The following RBM47 variants were observed in gnomAD, a reference collection of about 807,000 sequenced individuals.
The protein encoded by RBM47 is RNA-binding protein 47.
A neutral mutation model predicts 47.1 loss-of-function variants in RBM47; 21 were observed. The ratio of observed to expected loss-of-function variants is 0.45; its 90% CI spans 0.32 to 0.64. RBM47 has a LOEUF of 0.64. RBM47 is among the 30% of genes least tolerant of loss of function. The probability of loss-of-function intolerance (pLI) is 0.05; values close to 1 mark genes in which losing one functional copy is unlikely to be tolerated. For missense variants in RBM47, 708 were observed against 870.9 expected (o/e 0.81, Z 2.35); for synonymous variants, 375 against 361.7 (o/e 1.04, Z -0.42).
In RBM47 at chr4:40,606,197, C is replaced by G. The variant is rs1230159421; in HGVS notation, c.-240+23199G>C. Among the ~76,000 whole-genome samples the G allele has an allele frequency of 6.6e-5, 7 of 106,562 alleles. No homozygotes were observed. The East Asian group carries it at 1.8e-3, about 28-fold the overall frequency. 69.9% of individuals were successfully genotyped at this position (106,562 alleles called of 152,430 possible). A position where few individuals can be genotyped will look rare whatever the true frequency, so the allele number is the denominator to read the frequency against. ...TGGGTGACACAGTGAGACGTCATCT[C>G]AAAAAAAAAACAAAAAAGAAAGAAA... On this transcript the variant is annotated intron_variant, in intron 1 of 6. Transcript: ENST00000295971.
chr4:40,585,431 C>A (rs1303359043), intron 1 of RBM47, among the ~76,000 whole-genome samples: 1 of 152,144 alleles, frequency 6.6e-6, no homozygotes, highest in Non-Finnish European at 1.5e-5. Flanking sequence ...AAGAAAGCAA[C>A]AAAATCGCCC....
At chr4:40,454,948 C>T (rs1443928309) in intron 3 of RBM47, among the ~76,000 whole-genome samples, 3 of 151,546 alleles carry the variant, frequency 2.0e-5, no homozygotes, top group African/African-American at 7.3e-5. Context: ...GCAGGTTTAG[C>T]AATAGCCAGT....
At chr4:40,437,678 G>T in intron 4 of RBM47, 93 bp downstream of exon 4, 1 of 1,334,052 alleles carries the variant, frequency 7.5e-7, no homozygotes. Flanking sequence ...GCACCTACCA[G>T]CTCAGCAAAT....
At chr4:40,469,003 A>G (rs1477148734) in intron 2 of RBM47, among the ~76,000 whole-genome samples, 1 of 152,248 alleles carries the variant, frequency 6.6e-6, no homozygotes, top group East Asian at 1.9e-4. Context: ...AAGTAAATCC[A>G]GACAAGTATA....
At chr4:40,462,117 G>A (rs761930556) in intron 3 of RBM47, among the ~76,000 whole-genome samples, 4 of 152,038 alleles carry the variant, frequency 2.6e-5, no homozygotes, top group Non-Finnish European at 4.4e-5. Context: ...AGAGAACAGC[G>A]CCCGTCCAGT....
At chr4:40,429,654 A>G (rs1194772004) in intron 6 of RBM47, among the ~76,000 whole-genome samples, 1 of 130,570 alleles carries the variant, frequency 7.7e-6, no homozygotes, top group Non-Finnish European at 1.5e-5. Flanking sequence ...CCGCCACTGC[A>G]CTCCAGCTTG....
intron 5 of RBM47, among the ~76,000 whole-genome samples, chr4:40,435,677 TG>T (rs1233275455): frequency 6.6e-6 from 1 of 152,092 alleles, no homozygotes; most frequent in East Asian, 1.9e-4. Flanking sequence ...ACTCTCAGAA[TG>T]GGGCAATAAG....
chr4:40,423,712 C>A lies in RBM47; in HGVS notation c.*2192G>T, dbSNP rs66940499. On this transcript the variant is annotated 3_prime_UTR_variant, in exon 7 of 7. Transcript: ENST00000295971. ...TCTTTCTTTCTTTCTTTCTTTCTTT[C>A]TTTTCTTTCTTTTCTTTCTTCCTCT... 1 of 51,460 alleles carries A rather than the reference C, an allele frequency of 1.9e-5. No individual in the cohort carries two copies. Among genetic ancestry groups the A allele is most frequent in the Non-Finnish European group, 3.5e-5 (1 of 28,918 alleles). The allele number at this position is 51,460 out of a possible 1,614,324, so 3.2% of individuals were successfully genotyped here.
Position 40,423,640 on chromosome 4 carries a change from TTC to T in RBM47, c.*2262_*2263del, listed in dbSNP as rs973457235. The stretch of plus-strand genomic sequence containing the variant: ...GTTGCCATGTTATCATTTTTTTTTA[TTC>T]TTTCTTTCTTTTTCTTTCTTTCTTT... On this transcript the variant is annotated 3_prime_UTR_variant, in exon 7 of 7. Transcript: ENST00000295971. The T allele has an allele frequency of 1.3e-5, 2 of 148,448 alleles. No individual in the cohort carries two copies. Among genetic ancestry groups the T allele is most frequent in the African/African-American group, 5.1e-5 (2 of 39,590 alleles). The allele number at this position is 148,448 out of a possible 1,614,324, so 9.2% of individuals were successfully genotyped here. A position where few individuals can be genotyped will look rare whatever the true frequency, so the allele number is the denominator to read the frequency against.
At chr4:40,516,822 C>G (rs1019988975) in intron 2 of RBM47, among the ~76,000 whole-genome samples, 1 of 152,186 alleles carries the variant, frequency 6.6e-6, no homozygotes, top group Non-Finnish European at 1.5e-5. Flanking sequence ...CTGCTCTCCC[C>G]GCCACCTGTG....
At chr4:40,525,868 C>A (rs1726653997) in intron 2 of RBM47, among the ~76,000 whole-genome samples, 1 of 99,474 alleles carries the variant, frequency 1.0e-5, no homozygotes, top group African/African-American at 1.1e-4. Flanking sequence ...TGCCCTGGGG[C>A]TGGCCTGGCA....
intron 2 of RBM47, among the ~76,000 whole-genome samples, chr4:40,472,762 A>AT (rs543577096): frequency 3.1e-4 from 47 of 150,142 alleles, no homozygotes; most frequent in Admixed American, 7.3e-4. Context: ...TCATTTATGG[A>AT]TTTTTTTTTT....
In RBM47 at chr4:40,625,519, G is replaced by C. The variant is rs529864954; in HGVS notation, c.-240+3877C>G. Among the ~76,000 whole-genome samples, 11 of 152,200 alleles carry C rather than the reference G, an allele frequency of 7.2e-5. No individual in the cohort carries two copies. In the East Asian group the frequency reaches 2.1e-3, roughly 29 times the overall value. ...TTGTACACTCACCCACTGCCCATTG[G>C]TACATATACTTAACTCTTGCTCACC... On this transcript the variant is annotated intron_variant, in intron 1 of 6. Coordinates refer to ENST00000295971, the MANE Select transcript of RBM47 (RefSeq NM_001098634.2).
intron 1 of RBM47, among the ~76,000 whole-genome samples, chr4:40,576,540 A>C (rs1732355139): frequency 1.3e-5 from 2 of 152,150 alleles, no homozygotes; most frequent in Admixed American, 1.3e-4. Flanking sequence ...AACGTAACAT[A>C]CTAACATCAC....
At chr4:40,452,119 G>A (rs900576158) in intron 3 of RBM47, among the ~76,000 whole-genome samples, 6 of 151,060 alleles carry the variant, frequency 4.0e-5, no homozygotes, top group South Asian at 2.1e-4. Flanking sequence ...GCAATGAGCC[G>A]AGATCATGCC....
chr4:40,512,109 A>G (rs534490312), intron 2 of RBM47, among the ~76,000 whole-genome samples: 5 of 152,216 alleles, frequency 3.3e-5, no homozygotes, highest in African/African-American at 1.2e-4. Flanking sequence ...GACTCAACAC[A>G]GGCTCAATCT....
At chr4:40,434,985 G>A (rs1712102449) in intron 5 of RBM47, among the ~76,000 whole-genome samples, 1 of 152,162 alleles carries the variant, frequency 6.6e-6, no homozygotes. Flanking sequence ...CCATGTGTTT[G>A]GATGCTTCTG....
chr4:40,454,392 T>C (rs925230168), intron 3 of RBM47, among the ~76,000 whole-genome samples: 2 of 152,338 alleles, frequency 1.3e-5, no homozygotes, highest in African/African-American at 2.4e-5. Context: ...CTGTGAGGAA[T>C]AAATGAGATA....
intron 3 of RBM47, among the ~76,000 whole-genome samples, chr4:40,444,432 A>G (rs1315710730): frequency 6.6e-6 from 1 of 151,900 alleles, no homozygotes; most frequent in Non-Finnish European, 1.5e-5. Flanking sequence ...TAAAAAAAAA[A>G]AAAAGAAAAG....
Sources: allele counts gnomAD v4.1 joint callset (sites outside exome capture counted in the v4.1 genomes callset), GRCh38; gene constraint gnomAD v4.1.1; transcripts MANE v1.5; gene names NCBI Gene and HGNC (gene_info 2026-07-23, HGNC 2026-07-21).